CSF2RA: variants seen among roughly 807,000 people sequenced by gnomAD.
CSF2RA encodes granulocyte-macrophage colony-stimulating factor receptor subunit alpha.
In CSF2RA, 42 loss-of-function variants were observed where a neutral mutation model predicts 51.6. That is an observed-to-expected ratio of 0.81 (90% CI 0.64 to 1.05). The LOEUF (loss-of-function observed/expected upper bound fraction) is 1.05. Among genes scored for constraint, CSF2RA ranks in the 50% least tolerant of loss-of-function variants. The probability of loss-of-function intolerance (pLI) is 0.00; values close to 1 mark genes in which losing one functional copy is unlikely to be tolerated. For synonymous variants in CSF2RA, 222 were observed against 193.0 expected (o/e 1.15, Z -1.24); for missense variants, 530 against 501.1 (o/e 1.06, Z -0.55).
In CSF2RA at chrX:1,271,609, C is replaced by T. The variant is rs775663565; in HGVS notation, c.-91+2730C>T. On this transcript the variant is annotated intron_variant, in intron 1 of 12. Coordinates refer to ENST00000381529, the MANE Select transcript of CSF2RA (RefSeq NM_172245.4). ...TCGGCTCACTGTAACCTCCGCCTCCCGGGTTCAAGTGATTCTCCTGCCTCA... is the reference window on the plus strand; with the variant it reads ...TCGGCTCACTGTAACCTCCGCCTCCTGGGTTCAAGTGATTCTCCTGCCTCA... 6.6e-5 allele frequency among the ~76,000 whole-genome samples: 10 copies of T among 151,844 alleles called. No homozygotes were observed. In the East Asian group the frequency reaches 2.0e-3, roughly 30 times the overall value.
At chrX:1,282,118 T>C (rs2090139199) in intron 2 of CSF2RA, 1 of 148,444 alleles carries the variant, frequency 6.7e-6, no homozygotes, top group Admixed American at 6.8e-5. Context: ...GGCAGGAGAA[T>C]GGTGTGAACC....
In CSF2RA at chrX:1,309,791, G is replaced by T. The variant is rs761993876; in HGVS notation, c.*312G>T. On this transcript the variant is annotated 3_prime_UTR_variant, in exon 13 of 13. Coordinates refer to ENST00000381529, the MANE Select transcript of CSF2RA (RefSeq NM_172245.4). ...TCATCCCAGCTACTTGGGAGGCTGA[G>T]GCAGGAGAATTGCTTGAACCCGTGA... The T allele has an allele frequency of 6.0e-5, 38 of 630,020 alleles. No individual in the cohort carries two copies. The highest frequency in any genetic ancestry group is 9.6e-5 in the Non-Finnish European group (34 of 354,262). The allele number at this position is 630,020 out of a possible 1,614,324, so 39.0% of individuals were successfully genotyped here.
At chrX:1,314,602 C>T (rs374572810), downstream of CSF2RA, among the ~76,000 whole-genome samples, 94 of 15,974 alleles carry the variant, frequency 5.9e-3, 12 homozygotes, top group African/African-American at 0.012. Flanking sequence ...ACCTGCCCAA[C>T]CCCACTGCAC....
intron 4 of CSF2RA, among the ~76,000 whole-genome samples, chrX:1,287,649 G>C (rs1290042010): frequency 7.1e-6 from 1 of 140,774 alleles, no homozygotes; most frequent in African/African-American, 2.7e-5. Flanking sequence ...TCACCATGTT[G>C]GCCAGGCTGA....
In CSF2RA at chrX:1,279,527, A is replaced by G. The variant is rs192540827; in HGVS notation, c.-26-3151A>G. Among the ~76,000 whole-genome samples the G allele has an allele frequency of 6.0e-3, 905 of 151,874 alleles. 3 individuals carry two copies. Among genetic ancestry groups the G allele is most frequent in the Non-Finnish European group, 8.5e-3 (579 of 67,950 alleles). ...TCAAGGTCAGGCCCACCCAGACAGA[A>G]CATGCATCTCTAGGGTGCCACAGGA... On this transcript the variant is annotated intron_variant, in intron 2 of 12. Transcript: ENST00000381529.
At chrX:1,300,885 G>A (rs868302182) in intron 10 of CSF2RA, among the ~76,000 whole-genome samples, 9 of 152,152 alleles carry the variant, frequency 5.9e-5, no homozygotes, top group African/African-American at 1.4e-4. Context: ...CAGGTGCAGC[G>A]GTTCACGCCT....
chrX:1,295,728 T>G (rs1264814255), intron 9 of CSF2RA: 1 of 641,432 alleles, frequency 1.6e-6, no homozygotes, highest in East Asian at 2.7e-5. Flanking sequence ...GAGGAGACCC[T>G]GCCCCACCTC....
intron 3 of CSF2RA, among the ~76,000 whole-genome samples, chrX:1,285,452 G>C (rs1414807575): frequency 1.3e-5 from 2 of 151,854 alleles, no homozygotes; most frequent in Non-Finnish European, 2.9e-5. Flanking sequence ...CCAGCACTTC[G>C]GGAGGCTGAG....
intron 9 of CSF2RA, 95 bp downstream of exon 9, chrX:1,295,551 T>A (rs1265573484): frequency 2.2e-6 from 2 of 892,912 alleles, no homozygotes; most frequent in Non-Finnish European, 3.5e-6. Flanking sequence ...CCCCTACTCA[T>A]GACCCCTACA....
chrX:1,284,600 A>C (rs1183525852), intron 3 of CSF2RA, among the ~76,000 whole-genome samples: 1 of 103,122 alleles, frequency 9.7e-6, no homozygotes, highest in Admixed American at 1.0e-4. Flanking sequence ...GCTAATTTAA[A>C]TTTTTTTTTT....
intron 2 of CSF2RA, among the ~76,000 whole-genome samples, chrX:1,275,804 C>T (rs190119770): frequency 0.036 from 5,532 of 151,914 alleles, 349 homozygotes; most frequent in African/African-American, 0.13. Flanking sequence ...GTGATCCGCC[C>T]GCCTCAGCCT....
At chrX:1,299,302 T>G (rs1194915041) in intron 9 of CSF2RA, among the ~76,000 whole-genome samples, 2 of 152,212 alleles carry the variant, frequency 1.3e-5, no homozygotes, top group Non-Finnish European at 2.9e-5. Context: ...TCGCGGCCAC[T>G]CTGACCCTCG....
At chrX:1,277,471 C>T (rs1229146934) in intron 2 of CSF2RA, among the ~76,000 whole-genome samples, 1 of 149,894 alleles carries the variant, frequency 6.7e-6, no homozygotes, top group Non-Finnish European at 1.5e-5. Context: ...TGGTGCGTGC[C>T]TGTAGTCCCA....
the CSF2RA span, among the ~76,000 whole-genome samples, chrX:1,324,305 G>A: frequency 6.7e-6 from 1 of 148,722 alleles, no homozygotes; most frequent in Non-Finnish European, 1.5e-5. Flanking sequence ...GCCAGCCTGG[G>A]CCACATAGCA....
chrX:1,280,991 CCTT>C (rs2089919596), intron 2 of CSF2RA, among the ~76,000 whole-genome samples: 1 of 116,080 alleles, frequency 8.6e-6, no homozygotes, highest in African/African-American at 3.1e-5. Context: ...TCCTCCTCCT[CCTT>C]CTCCTCCTCC....
At chrX:1,323,176 A>AAAAT in the CSF2RA span, among the ~76,000 whole-genome samples, 2 of 151,790 alleles carry the variant, frequency 1.3e-5, no homozygotes, top group African/African-American at 2.4e-5. Flanking sequence ...AAAATAAAAT[A>AAAAT]AAATAAAATA....
chrX:1,279,900 C>G (rs755477475), intron 2 of CSF2RA, among the ~76,000 whole-genome samples: 1 of 151,922 alleles, frequency 6.6e-6, no homozygotes, highest in Non-Finnish European at 1.5e-5. Flanking sequence ...AGCGATTCTC[C>G]TGCCTCAACC....
chrX:1,300,772 G>A (rs1251549269), intron 10 of CSF2RA, 146 bp downstream of exon 10: 25 of 1,071,448 alleles, frequency 2.3e-5, no homozygotes, highest in South Asian at 2.2e-4. Context: ...TTATCGCTGA[G>A]GCTCAAAAGA....
intron 10 of CSF2RA, among the ~76,000 whole-genome samples, chrX:1,302,244 G>A (rs1253525488): frequency 3.4e-4 from 52 of 152,188 alleles, no homozygotes; most frequent in Non-Finnish European, 4.7e-4. Context: ...GCCAGGTCTC[G>A]GCTGCCCAGG....
Sources: gnomAD v4.1 joint callset for allele counts (sites outside exome capture counted in the v4.1 genomes callset) on GRCh38, gnomAD v4.1.1 for gene constraint, MANE v1.5 for transcripts, NCBI Gene and HGNC (gene_info 2026-07-23, HGNC 2026-07-21) for gene names.